The following MYT1L variants were observed in gnomAD, a reference collection of about 807,000 sequenced individuals.
The protein encoded by MYT1L is myelin transcription factor 1 like.
A neutral mutation model predicts 126.7 loss-of-function variants in MYT1L; 12 were observed. The observed-to-expected ratio is 0.09, with a 90% confidence interval of 0.06 to 0.15. The LOEUF is 0.15. Among genes scored for constraint, MYT1L ranks in the 10% least tolerant of loss-of-function variants. The pLI is 1.00. For missense variants in MYT1L, 979 were observed against 1,585.2 expected (o/e 0.62, Z 6.49); for synonymous variants, 541 against 604.2 (o/e 0.90, Z 1.53).
chr2:2,133,519 G>T (rs2086890144), intron 3 of MYT1L, among the ~76,000 whole-genome samples: 1 of 152,112 alleles, frequency 6.6e-6, no homozygotes, highest in African/African-American at 2.4e-5. Context: ...AAACTCAAAA[G>T]CATAAAAACA....
intron 5 of MYT1L, among the ~76,000 whole-genome samples, chr2:1,993,215 C>T (rs1278711595): frequency 6.6e-6 from 1 of 152,196 alleles, no homozygotes; most frequent in Non-Finnish European, 1.5e-5. Flanking sequence ...TGAATCAGCT[C>T]TGTCTGGGCA....
At chr2:2,030,950 C>T (rs2066172093) in intron 4 of MYT1L, among the ~76,000 whole-genome samples, 1 of 152,142 alleles carries the variant, frequency 6.6e-6, no homozygotes, top group Non-Finnish European at 1.5e-5. Context: ...TTGTCTAAAG[C>T]ATTAGTTTCT....
intron 2 of MYT1L, among the ~76,000 whole-genome samples, chr2:2,211,004 G>T (rs1355971517): frequency 3.3e-5 from 5 of 152,004 alleles, no homozygotes; most frequent in South Asian, 2.1e-4. Context: ...AAATAGGATT[G>T]CTCTTTTGAT....
At position 2,265,846 on chromosome 2, in the gene MYT1L, C is replaced by T. The variant is rs560118882; in HGVS notation, c.-421+18558G>A. Among the ~76,000 whole-genome samples the T allele has an allele frequency of 2.6e-5, 4 of 152,264 alleles. No homozygotes were observed. The South Asian group carries it at 8.3e-4, about 32-fold the overall frequency. ...GGAAAAGAAGGGCAGAGCCTTGAGG[C>T]TGATGGGATCTGGGGCCCTAAGGAG... On this transcript the variant is annotated intron_variant, in intron 2 of 24. Coordinates refer to ENST00000647738, the MANE Select transcript of MYT1L (RefSeq NM_001303052.2).
At chr2:1,851,769 T>A in intron 18 of MYT1L, 66 bp from the exon 19 acceptor site, 1 of 1,488,060 alleles carries the variant, frequency 6.7e-7, no homozygotes, top group South Asian at 1.1e-5. Flanking sequence ...AATTAACTTT[T>A]TTTTAATCCA....
At chr2:2,047,005 T>C (rs1355362892) in intron 4 of MYT1L, among the ~76,000 whole-genome samples, 1 of 152,226 alleles carries the variant, frequency 6.6e-6, no homozygotes, top group Non-Finnish European at 1.5e-5. Context: ...CCATATCCTT[T>C]GCCCATTTTT....
intron 2 of MYT1L, among the ~76,000 whole-genome samples, chr2:2,217,685 C>CAAAAAA (rs1167910803): frequency 2.5e-5 from 2 of 79,628 alleles, no homozygotes; most frequent in Admixed American, 1.1e-4. Context: ...ACAACAACAA[C>CAAAAAA]AACAACAACA....
chr2:2,120,553 T>C (rs1328943045), intron 3 of MYT1L, among the ~76,000 whole-genome samples: 4 of 152,056 alleles, frequency 2.6e-5, no homozygotes, highest in Non-Finnish European at 5.9e-5. Flanking sequence ...ACCTAAATTA[T>C]TGTGCCCTGA....
At chr2:2,251,339 T>C (rs2094643839) in intron 2 of MYT1L, among the ~76,000 whole-genome samples, 1 of 152,234 alleles carries the variant, frequency 6.6e-6, no homozygotes, top group East Asian at 1.9e-4. Context: ...ATACGTCCGC[T>C]GCAGCCCAGG....
chr2:1,946,370 C>T lies in MYT1L; in HGVS notation c.153-3036G>A, dbSNP rs191336597. 7.2e-5 allele frequency among the ~76,000 whole-genome samples: 11 copies of T among 152,226 alleles called. No homozygotes were observed. The East Asian group carries it at 1.9e-3, about 27-fold the overall frequency. The stretch of plus-strand genomic sequence containing the variant: ...ATAATGCACTTGAATTACATCCTCT[C>T]CACCCCCAAACCATGGAAAAGCTGT... On this transcript the variant is annotated intron_variant, in intron 8 of 24. Coordinates refer to ENST00000647738, the MANE Select transcript of MYT1L (RefSeq NM_001303052.2).
At chr2:2,125,662 A>G (rs763706227) in intron 3 of MYT1L, among the ~76,000 whole-genome samples, 16 of 152,322 alleles carry the variant, frequency 1.1e-4, no homozygotes, top group Non-Finnish European at 2.1e-4. Flanking sequence ...ATAATACAAA[A>G]TATTGTAATT....
intron 8 of MYT1L, among the ~76,000 whole-genome samples, chr2:1,956,529 C>A (rs916983280): frequency 4.1e-5 from 6 of 145,584 alleles, no homozygotes; most frequent in Admixed American, 4.1e-4. Context: ...ATCTATCTAT[C>A]TATCTATCTA....
chr2:1,892,799 TC>T (rs1251342070), intron 14 of MYT1L, among the ~76,000 whole-genome samples: 2 of 152,160 alleles, frequency 1.3e-5, no homozygotes, highest in East Asian at 3.9e-4. Context: ...GCTGTTCCTT[TC>T]AGCCAGAGGG....
intron 3 of MYT1L, among the ~76,000 whole-genome samples, chr2:2,131,319 A>C (rs555733084): frequency 7.2e-5 from 11 of 152,336 alleles, no homozygotes; most frequent in Admixed American, 3.9e-4. Context: ...CAAACAGCCT[A>C]TGATACAACA....
At chr2:1,854,152 C>T (rs993196689) in intron 18 of MYT1L, among the ~76,000 whole-genome samples, 1 of 151,932 alleles carries the variant, frequency 6.6e-6, no homozygotes, top group Non-Finnish European at 1.5e-5. Flanking sequence ...ATTGATGACT[C>T]TTGCTGCATT....
chr2:2,295,667 G>C (rs202059095), intron 1 of MYT1L, among the ~76,000 whole-genome samples: 6 of 135,994 alleles, frequency 4.4e-5, no homozygotes, highest in East Asian at 3.4e-4. Flanking sequence ...GACAGACAGA[G>C]AGAGAGAGAG....
intron 2 of MYT1L, among the ~76,000 whole-genome samples, chr2:2,244,788 C>G (rs775162979): frequency 6.6e-6 from 1 of 152,202 alleles, no homozygotes; most frequent in Non-Finnish European, 1.5e-5. Context: ...TGCCCTGCAG[C>G]CTGCCTGCTC....
At chr2:1,963,208 G>C (rs1358696495) in intron 8 of MYT1L, among the ~76,000 whole-genome samples, 1 of 152,214 alleles carries the variant, frequency 6.6e-6, no homozygotes, top group Non-Finnish European at 1.5e-5. Flanking sequence ...CAGGTGCATT[G>C]CCCATGAGCA....
chr2:2,125,162 C>A (rs1381258410), intron 3 of MYT1L, among the ~76,000 whole-genome samples: 1 of 152,164 alleles, frequency 6.6e-6, no homozygotes, highest in Non-Finnish European at 1.5e-5. Flanking sequence ...CTAAACTACC[C>A]AGGGGCAGTT....
Sources: gnomAD v4.1 joint callset for allele counts (sites outside exome capture counted in the v4.1 genomes callset) on GRCh38, gnomAD v4.1.1 for gene constraint, MANE v1.5 for transcripts, NCBI Gene and HGNC (gene_info 2026-07-23, HGNC 2026-07-21) for gene names.